FABP12: variants seen among roughly 807,000 people sequenced by gnomAD.
The protein encoded by FABP12 is fatty acid-binding protein 12.
In FABP12, 19 loss-of-function variants were observed where a neutral mutation model predicts 13.7. That is an observed-to-expected ratio of 1.39 (90% CI 0.97 to 2.04). The LOEUF (loss-of-function observed/expected upper bound fraction) is 2.04, where lower values mean the gene tolerates loss of function less well. Among genes scored for constraint, FABP12 ranks in the 30% most tolerant of loss-of-function variants. FABP12 has a pLI of 0.00. For synonymous variants in FABP12, 61 were observed against 57.0 expected (o/e 1.07, Z -0.32); for missense variants, 182 against 164.2 (o/e 1.11, Z -0.59).
chr8:81,572,664 G>A (rs1181772923), intron 1 of FABP12, among the ~76,000 whole-genome samples: 3 of 152,076 alleles, frequency 2.0e-5, no homozygotes, highest in African/African-American at 7.2e-5. Flanking sequence ...GGTTGAGGTG[G>A]TATTGTGTTG....
At chr8:81,553,511 A>AT (rs538151264) in intron 1 of FABP12, among the ~76,000 whole-genome samples, 157 of 152,248 alleles carry the variant, frequency 1.0e-3, no homozygotes, top group African/African-American at 3.7e-3. Flanking sequence ...AATTATTATC[A>AT]TTTTTTTCTG....
intron 1 of FABP12, among the ~76,000 whole-genome samples, chr8:81,568,100 C>G (rs544609816): frequency 2.7e-5 from 4 of 150,686 alleles, no homozygotes; most frequent in South Asian, 2.1e-4. Context: ...TCCGCAGTCC[C>G]GCCTGGGCGA....
intron 1 of FABP12, among the ~76,000 whole-genome samples, chr8:81,545,672 T>C (rs1809423618): frequency 6.6e-6 from 1 of 152,238 alleles, no homozygotes; most frequent in Non-Finnish European, 1.5e-5. Context: ...TATTTCTCTT[T>C]TCTGAGTTGT....
At chr8:81,541,440 C>T (rs193021898) in intron 1 of FABP12, among the ~76,000 whole-genome samples, 3 of 152,166 alleles carry the variant, frequency 2.0e-5, no homozygotes, top group South Asian at 2.1e-4. Context: ...ATATCAGTTT[C>T]GATTATTGAG....
chr8:81,560,468 T>C (rs1585850873), intron 1 of FABP12, among the ~76,000 whole-genome samples: 1 of 152,336 alleles, frequency 6.6e-6, no homozygotes, highest in South Asian at 2.1e-4. Context: ...TGTGAACAAA[T>C]AGCCTTGTTT....
chr8:81,549,654 A>G (rs1809495001), intron 1 of FABP12, among the ~76,000 whole-genome samples: 1 of 152,182 alleles, frequency 6.6e-6, no homozygotes, highest in African/African-American at 2.4e-5. Context: ...AGTGCAATAG[A>G]AGTGAAATAG....
intron 1 of FABP12, among the ~76,000 whole-genome samples, chr8:81,541,073 A>G (rs1170274225): frequency 6.6e-6 from 1 of 151,400 alleles, no homozygotes; most frequent in Non-Finnish European, 1.5e-5. Flanking sequence ...AGGCTGAGGT[A>G]GAGAACTGCT....
intron 1 of FABP12, among the ~76,000 whole-genome samples, chr8:81,565,644 A>G (rs1809807285): frequency 6.6e-6 from 1 of 152,086 alleles, no homozygotes; most frequent in African/African-American, 2.4e-5. Context: ...TGGAAGCACA[A>G]GATACCAAAA....
intron 1 of FABP12, among the ~76,000 whole-genome samples, chr8:81,578,313 T>C (rs918181341): frequency 4.6e-5 from 7 of 152,184 alleles, no homozygotes; most frequent in Admixed American, 4.6e-4. Context: ...GCATGAATTA[T>C]ATTTTAGTCC....
At chr8:81,544,813 C>T (rs905483653) in intron 1 of FABP12, among the ~76,000 whole-genome samples, 2 of 152,104 alleles carry the variant, frequency 1.3e-5, no homozygotes, top group Admixed American at 6.5e-5. Flanking sequence ...CTGCAGTGAC[C>T]TGTTCAAGTG....
At chr8:81,574,303 C>A (rs1320151315) in intron 1 of FABP12, among the ~76,000 whole-genome samples, 1 of 152,042 alleles carries the variant, frequency 6.6e-6, no homozygotes, top group African/African-American at 2.4e-5. Flanking sequence ...GGTATGAAAC[C>A]CACTCGATCA....
chr8:81,588,159 T>C (rs1810270766), intron 1 of FABP12, among the ~76,000 whole-genome samples: 1 of 152,176 alleles, frequency 6.6e-6, no homozygotes, highest in Admixed American at 6.5e-5. Context: ...TAATCTCCTT[T>C]GGTAACACTC....
At chr8:81,569,016 T>C (rs1451426148) in intron 1 of FABP12, among the ~76,000 whole-genome samples, 1 of 152,168 alleles carries the variant, frequency 6.6e-6, no homozygotes, top group African/African-American at 2.4e-5. Context: ...TACAAAAATA[T>C]AATTAGATAG....
At chr8:81,540,606 T>A (rs1311816652) in intron 1 of FABP12, among the ~76,000 whole-genome samples, 2 of 152,154 alleles carry the variant, frequency 1.3e-5, no homozygotes, top group Non-Finnish European at 2.9e-5. Flanking sequence ...TTGTCACAGA[T>A]CTGTGGAAAC....
intron 1 of FABP12, among the ~76,000 whole-genome samples, chr8:81,553,333 C>A (rs1277148713): frequency 6.6e-6 from 1 of 152,144 alleles, no homozygotes; most frequent in Non-Finnish European, 1.5e-5. Flanking sequence ...GCTGGGTGAT[C>A]ACTTCTTCAT....
At chr8:81,554,579 G>A (rs558946162) in intron 1 of FABP12, among the ~76,000 whole-genome samples, 45 of 152,156 alleles carry the variant, frequency 3.0e-4, no homozygotes, top group African/African-American at 1.1e-3. Flanking sequence ...ACTTGTGTAG[G>A]AGCTGCGACA....
At chr8:81,531,876 T>C (rs1023179940) in intron 1 of FABP12, among the ~76,000 whole-genome samples, 3 of 151,980 alleles carry the variant, frequency 2.0e-5, no homozygotes, top group Middle Eastern at 3.2e-3. Context: ...CTTTAAGTCA[T>C]GTGCACAATG....
At chr8:81,531,772 T>G (rs907530823) in intron 1 of FABP12, among the ~76,000 whole-genome samples, 1 of 152,176 alleles carries the variant, frequency 6.6e-6, no homozygotes, top group African/African-American at 2.4e-5. Flanking sequence ...TCATTCTCAT[T>G]CTTGATAGTT....
chr8:81,566,293 G>T (rs1809817854), intron 1 of FABP12, among the ~76,000 whole-genome samples: 5 of 151,958 alleles, frequency 3.3e-5, no homozygotes, highest in Non-Finnish European at 5.9e-5. Context: ...TAGAGGAGAA[G>T]GGAATACTTT....
Sources: gnomAD v4.1 joint callset for allele counts (sites outside exome capture counted in the v4.1 genomes callset) on GRCh38, gnomAD v4.1.1 for gene constraint, MANE v1.5 for transcripts, NCBI Gene and HGNC (gene_info 2026-07-23, HGNC 2026-07-21) for gene names.